SCMH1: variants seen among roughly 807,000 people sequenced by gnomAD.
The protein encoded by SCMH1 is polycomb protein SCMH1.
Under a neutral mutation model 70.8 loss-of-function variants are expected in SCMH1, and 37 were observed. The ratio of observed to expected loss-of-function variants is 0.52; its 90% CI spans 0.40 to 0.69. The LOEUF (loss-of-function observed/expected upper bound fraction) is 0.69, where lower values mean the gene tolerates loss of function less well. Among genes scored for constraint, SCMH1 ranks in the 30% least tolerant of loss-of-function variants. The probability of loss-of-function intolerance (pLI) is 0.00; values close to 1 mark genes in which losing one functional copy is unlikely to be tolerated. For synonymous variants in SCMH1, 292 were observed against 307.4 expected (o/e 0.95, Z 0.52); for missense variants, 607 against 827.3 (o/e 0.73, Z 3.27).
At chr1:41,173,645 G>A (rs11583835) in intron 2 of SCMH1, among the ~76,000 whole-genome samples, 20,149 of 152,124 alleles carry the variant, frequency 0.13, 1,756 homozygotes, top group Middle Eastern at 0.27. Context: ...TCAGTATGTC[G>A]AAGAGTTATC....
At chr1:41,089,826 C>CTGT (rs1358855852) in intron 8 of SCMH1, among the ~76,000 whole-genome samples, 3 of 86,428 alleles carry the variant, frequency 3.5e-5, no homozygotes, top group African/African-American at 1.6e-4. Flanking sequence ...GAGTCTTGCT[C>CTGT]TGTTGCCCAG....
At chr1:41,031,327 C>G (rs567635997) in intron 13 of SCMH1, among the ~76,000 whole-genome samples, 14 of 151,990 alleles carry the variant, frequency 9.2e-5, no homozygotes, top group Non-Finnish European at 1.8e-4. Context: ...CCCCCTCCCC[C>G]ACCGCCACCA....
exon 9 of SCMH1, chr1:41,075,220 T>G (rs769629028): frequency 2.9e-5 from 46 of 1,613,952 alleles, no homozygotes; most frequent in Non-Finnish European, 3.6e-5. Context: ...TTTACCTACC[T>G]TGCTGCCAGG....
At chr1:41,117,915 CATTCAGGGCCACT>C (rs1670944557) in intron 6 of SCMH1, among the ~76,000 whole-genome samples, 1 of 151,974 alleles carries the variant, frequency 6.6e-6, no homozygotes, top group Admixed American at 6.6e-5. Flanking sequence ...CGCAGCCTGG[CATTCAGGGCCACT>C]ACTGGTCTCT....
intron 1 of SCMH1, among the ~76,000 whole-genome samples, chr1:41,188,060 G>A (rs1650729225): frequency 6.6e-6 from 1 of 152,134 alleles, no homozygotes; most frequent in Admixed American, 6.6e-5. Context: ...GAAAGTTCTT[G>A]TATTTATTCC....
chr1:41,191,518 A>G (rs1651710440), intron 1 of SCMH1, among the ~76,000 whole-genome samples: 1 of 152,188 alleles, frequency 6.6e-6, no homozygotes, highest in African/African-American at 2.4e-5. Flanking sequence ...CAAGCCAACC[A>G]TGTCAAAGTC....
At chr1:41,082,824 A>G (rs1348184947) in intron 8 of SCMH1, among the ~76,000 whole-genome samples, 2 of 152,202 alleles carry the variant, frequency 1.3e-5, no homozygotes, top group African/African-American at 2.4e-5. Flanking sequence ...TTCAATATAC[A>G]CAAATCAATA....
chr1:41,130,947 TG>T lies in SCMH1; in HGVS notation c.412+11930del, dbSNP rs562391378. On this transcript the variant is annotated intron_variant, in intron 6 of 14. Coordinates refer to ENST00000337495, the Ensembl canonical transcript of SCMH1. ...AGTTCAAGTTATCTATTTTTTCTTTTGTTTTTTTGTGCTTTTGGTGCTGTAT... is the reference window on the plus strand; with the variant it reads ...AGTTCAAGTTATCTATTTTTTCTTTTTTTTTTTGTGCTTTTGGTGCTGTAT... 1.5e-4 allele frequency among the ~76,000 whole-genome samples: 23 copies of T among 152,346 alleles called. 2 individuals carry two copies. In the Middle Eastern group the frequency reaches 0.01, roughly 68 times the overall value.
chr1:41,061,546 G>A (rs1197911988), intron 10 of SCMH1, among the ~76,000 whole-genome samples: 1 of 152,158 alleles, frequency 6.6e-6, no homozygotes, highest in African/African-American at 2.4e-5. Flanking sequence ...CTTAATGTGT[G>A]TATACCTAAC....
intron 1 of SCMH1, among the ~76,000 whole-genome samples, chr1:41,192,090 C>G (rs1018551068): frequency 1.3e-5 from 2 of 152,166 alleles, no homozygotes; most frequent in Non-Finnish European, 2.9e-5. Flanking sequence ...ATGTATCTTA[C>G]TGTATGACTA....
chr1:41,147,314 C>T (rs962850236), intron 5 of SCMH1, among the ~76,000 whole-genome samples: 3 of 152,080 alleles, frequency 2.0e-5, no homozygotes, highest in Non-Finnish European at 4.4e-5. Context: ...AGCAGATATC[C>T]TTGTCTTGTT....
chr1:41,084,549 C>T (rs1257846563), intron 8 of SCMH1, among the ~76,000 whole-genome samples: 2 of 152,006 alleles, frequency 1.3e-5, no homozygotes, highest in Non-Finnish European at 1.5e-5. Context: ...CTAGTTCAAC[C>T]CTTGTGGAAG....
Position 41,027,757 on chromosome 1 carries a change from T to G in SCMH1, c.*437A>C, listed in dbSNP as rs929356496. On this transcript the variant is annotated 3_prime_UTR_variant, in exon 15 of 15. Transcript: ENST00000337495. The stretch of plus-strand genomic sequence containing the variant: ...CAATAAATTAACAATAAGATCTTTT[T>G]GTAAAAAAGGTAGAGGTTTGCACCA... 3.8e-5 allele frequency: 6 copies of G among 159,686 alleles called. No individual in the cohort carries two copies. In the South Asian group the frequency reaches 1.2e-3, roughly 32 times the overall value. The allele number at this position is 159,686 out of a possible 1,614,324, so 9.9% of individuals were successfully genotyped here. A position where few individuals can be genotyped will look rare whatever the true frequency, so the allele number is the denominator to read the frequency against.
Position 41,202,238 on chromosome 1 carries a change from G to A in SCMH1, c.-117-15988C>T, listed in dbSNP as rs144734998. ...TTTAGTAGAGACGGGGTTTCACCAT[G>A]TTGGCCAGGCTGGTCTCAAACTCCT... On this transcript the variant is annotated intron_variant, in intron 1 of 14. Coordinates refer to ENST00000337495, the Ensembl canonical transcript of SCMH1. Among the ~76,000 whole-genome samples, 420 of 152,070 alleles carry A rather than the reference G, an allele frequency of 2.8e-3. 4 individuals are homozygous for A. The highest frequency in any genetic ancestry group is 0.023 in the East Asian group (121 of 5,162).
chr1:41,219,471 C>T (rs1266356941), intron 1 of SCMH1, among the ~76,000 whole-genome samples: 1 of 152,122 alleles, frequency 6.6e-6, no homozygotes, highest in Non-Finnish European at 1.5e-5. Context: ...GGGGGCCATG[C>T]TCTCATAAAC....
intron 8 of SCMH1, among the ~76,000 whole-genome samples, chr1:41,082,396 G>C (rs975899114): frequency 1.3e-5 from 2 of 152,190 alleles, no homozygotes; most frequent in Non-Finnish European, 2.9e-5. Flanking sequence ...CCAGAAGAGA[G>C]TGGGGGCCAA....
intron 13 of SCMH1, 78 bp from the exon 14 acceptor site, chr1:41,034,126 G>A: frequency 6.5e-7 from 1 of 1,538,002 alleles, no homozygotes; most frequent in Non-Finnish European, 8.8e-7. Context: ...AGACCTGAGA[G>A]GTGAGATGAC....
At chr1:41,070,752 C>T (rs1229381953) in intron 9 of SCMH1, 31 bp from the exon 10 acceptor site, 1 of 1,612,490 alleles carries the variant, frequency 6.2e-7, no homozygotes, top group South Asian at 1.1e-5. Context: ...AAAATTGCTA[C>T]CCATGACAGG....
At chr1:41,137,985 C>T (rs1203488857) in intron 6 of SCMH1, among the ~76,000 whole-genome samples, 1 of 152,312 alleles carries the variant, frequency 6.6e-6, no homozygotes, top group East Asian at 1.9e-4. Flanking sequence ...GCCTGATACA[C>T]ACATACACTA....
Sources: allele counts gnomAD v4.1 joint callset (sites outside exome capture counted in the v4.1 genomes callset), GRCh38; gene constraint gnomAD v4.1.1; transcripts MANE v1.5; gene names NCBI Gene and HGNC (gene_info 2026-07-23, HGNC 2026-07-21).